PRIM2: variants seen among roughly 807,000 people sequenced by gnomAD.
PRIM2 encodes DNA primase large subunit.
In PRIM2, 39 loss-of-function variants were observed where a neutral mutation model predicts 67.3. That is an observed-to-expected ratio of 0.58 (90% CI 0.45 to 0.76). PRIM2 has a LOEUF of 0.76. Among genes scored for constraint, PRIM2 ranks in the 30% least tolerant of loss-of-function variants. PRIM2 has a pLI of 0.00. For missense variants in PRIM2, 398 were observed against 598.7 expected (o/e 0.66, Z 3.50); for synonymous variants, 143 against 198.7 (o/e 0.72, Z 2.36).
intron 5 of PRIM2, among the ~76,000 whole-genome samples, chr6:57,334,399 A>G (rs1181109515): frequency 6.6e-6 from 1 of 152,156 alleles, no homozygotes; most frequent in African/African-American, 2.4e-5. Context: ...CAGCATACTG[A>G]TTTCATTTCC....
chr6:57,351,207 A>G (rs1270010461), intron 5 of PRIM2, among the ~76,000 whole-genome samples: 2 of 151,902 alleles, frequency 1.3e-5, no homozygotes, highest in Admixed American at 6.6e-5. Context: ...GATTTTGGAA[A>G]GTTTATCTTA....
chr6:57,412,045 C>T (rs780821030), intron 7 of PRIM2, among the ~76,000 whole-genome samples: 3 of 150,238 alleles, frequency 2.0e-5, no homozygotes, highest in Non-Finnish European at 4.4e-5. Context: ...TTTTTGAGAA[C>T]ATAGGGAAAA....
chr6:57,256,024 T>TAC, the PRIM2 span, among the ~76,000 whole-genome samples: 1,159 of 111,206 alleles, frequency 0.01, 12 homozygotes, highest in Middle Eastern at 0.019. Context: ...CACACACACA[T>TAC]ACACACACAC....
chr6:57,523,639 G>A (rs1774677323), intron 8 of PRIM2, among the ~76,000 whole-genome samples: 3 of 152,268 alleles, frequency 2.0e-5, no homozygotes, highest in Admixed American at 1.3e-4. Context: ...CAGTAGTGGA[G>A]CTGGTGAATA....
chr6:57,528,032 T>G (rs1713977277), intron 8 of PRIM2, among the ~76,000 whole-genome samples: 1 of 151,974 alleles, frequency 6.6e-6, no homozygotes, highest in Non-Finnish European at 1.5e-5. Flanking sequence ...GATGTGATCA[T>G]AAATCACTGC....
rs1772455934 is a variant in PRIM2, at chr6:57,449,153, G to A, written c.694-58234G>A. 6.6e-5 allele frequency among the ~76,000 whole-genome samples: 10 copies of A among 152,218 alleles called. No individual in the cohort carries two copies. In the South Asian group the frequency reaches 1.9e-3, roughly 28 times the overall value. ...ATCTTTAAATCAAATTGAGGTTTAT[G>A]TTTCATTTTGATCAGGGATTAATTT... On this transcript the variant is annotated intron_variant, in intron 7 of 13. Coordinates refer to ENST00000615550, the MANE Select transcript of PRIM2 (RefSeq NM_000947.5).
chr6:57,323,260 G>GT (rs897424155), intron 3 of PRIM2, among the ~76,000 whole-genome samples: 1 of 152,062 alleles, frequency 6.6e-6, no homozygotes, highest in African/African-American at 2.4e-5. Context: ...CCATAGTTGT[G>GT]TTTTTTCTCC....
the PRIM2 span, among the ~76,000 whole-genome samples, chr6:57,263,024 C>T: frequency 5.3e-5 from 8 of 152,228 alleles, no homozygotes; most frequent in African/African-American, 1.9e-4. Flanking sequence ...AGCCAGAGTC[C>T]AATCCATTTA....
intron 7 of PRIM2, among the ~76,000 whole-genome samples, chr6:57,484,780 T>G (rs1182012240): frequency 6.6e-6 from 1 of 152,206 alleles, no homozygotes; most frequent in African/African-American, 2.4e-5. Context: ...CTCAAGTGTC[T>G]CCTTCTCAGA....
chr6:57,636,770 T>G (rs1403241640), intron 13 of PRIM2, among the ~76,000 whole-genome samples: 2 of 152,202 alleles, frequency 1.3e-5, no homozygotes, highest in Non-Finnish European at 2.9e-5. Flanking sequence ...CAGGGGCTTA[T>G]AGATAAAATC....
chr6:57,585,041 C>A (rs1426887643), intron 10 of PRIM2, among the ~76,000 whole-genome samples: 1 of 152,118 alleles, frequency 6.6e-6, no homozygotes, highest in Non-Finnish European at 1.5e-5. Context: ...AGGTAATTTG[C>A]TGAATTAGAG....
At chr6:57,353,160 A>T (rs1483675999) in intron 5 of PRIM2, among the ~76,000 whole-genome samples, 4 of 150,348 alleles carry the variant, frequency 2.7e-5, no homozygotes, top group African/African-American at 9.7e-5. Context: ...AAAAAAAAAA[A>T]GCAGTCTTTG....
upstream of PRIM2, among the ~76,000 whole-genome samples, chr6:57,316,148 T>C (rs1415884858): frequency 6.6e-6 from 1 of 152,236 alleles, no homozygotes; most frequent in Non-Finnish European, 1.5e-5. Context: ...TTCTTCAGTT[T>C]CCGTATCTAG....
intron 7 of PRIM2, among the ~76,000 whole-genome samples, chr6:57,384,553 C>T (rs1439229362): frequency 6.6e-6 from 1 of 152,098 alleles, no homozygotes; most frequent in Non-Finnish European, 1.5e-5. Flanking sequence ...AGAGTTTAAC[C>T]CATATCACAT....
intron 5 of PRIM2, among the ~76,000 whole-genome samples, chr6:57,357,082 C>T (rs1769053849): frequency 6.6e-6 from 1 of 152,014 alleles, no homozygotes; most frequent in Admixed American, 6.6e-5. Flanking sequence ...TACAGGCGCA[C>T]ACCACCATGC....
intron 7 of PRIM2, among the ~76,000 whole-genome samples, chr6:57,401,611 GT>G (rs980659479): frequency 3.2e-4 from 48 of 152,234 alleles, no homozygotes; most frequent in African/African-American, 1.1e-3. Context: ...TGTGCTCAGT[GT>G]TTATGTTCCT....
At chr6:57,314,424 G>A (rs1479508616), upstream of PRIM2, among the ~76,000 whole-genome samples, 1 of 152,226 alleles carries the variant, frequency 6.6e-6, no homozygotes, top group Non-Finnish European at 1.5e-5. Context: ...GCTGAGGTAG[G>A]AGAATTGCCT....
chr6:57,485,261 C>T (rs1215895150), intron 7 of PRIM2, among the ~76,000 whole-genome samples: 22 of 151,980 alleles, frequency 1.4e-4, no homozygotes, highest in Non-Finnish European at 2.8e-4. Context: ...CCAAATTGAG[C>T]TAGGCAGAGT....
intron 10 of PRIM2, among the ~76,000 whole-genome samples, chr6:57,545,258 T>C (rs1775265931): frequency 6.6e-6 from 1 of 152,060 alleles, no homozygotes; most frequent in Admixed American, 6.5e-5. Flanking sequence ...CAGAGAAATA[T>C]ATTTCTGTGT....
Sources: allele counts gnomAD v4.1 joint callset (sites outside exome capture counted in the v4.1 genomes callset), GRCh38; gene constraint gnomAD v4.1.1; transcripts MANE v1.5; gene names NCBI Gene and HGNC (gene_info 2026-07-23, HGNC 2026-07-21).